RPL13A: variants seen among roughly 807,000 people sequenced by gnomAD.
The protein encoded by RPL13A is ribosomal protein L13a, also known as large ribosomal subunit protein uL13.
A neutral mutation model predicts 30.8 loss-of-function variants in RPL13A; 4 were observed. The ratio of observed to expected loss-of-function variants is 0.13; its 90% CI spans 0.06 to 0.30. The LOEUF (loss-of-function observed/expected upper bound fraction) is 0.30. RPL13A is among the 10% of genes least tolerant of loss of function. The pLI is 1.00. For synonymous variants in RPL13A, 108 were observed against 104.2 expected (o/e 1.04, Z -0.22); for missense variants, 196 against 272.6 (o/e 0.72, Z 1.98).
At chr19:49,489,244 C>T (rs903774233) in intron 1 of RPL13A, among the ~76,000 whole-genome samples, 5 of 152,060 alleles carry the variant, frequency 3.3e-5, no homozygotes, top group African/African-American at 1.2e-4. Flanking sequence ...GCCTGTAATC[C>T]GAGCATTTTG....
At chr19:49,490,144 G>C (rs534864956) in intron 2 of RPL13A, 88 bp from the exon 3 acceptor site, 1 of 1,295,522 alleles carries the variant, frequency 7.7e-7, no homozygotes, top group East Asian at 2.3e-5. Context: ...GCTCTGGCAA[G>C]TACTGCGCTG....
rs1041472464 is a variant in RPL13A at position 49,487,664 on chromosome 19, C to T, written c.15+20C>T. 6 of 1,525,770 alleles carry T rather than the reference C, an allele frequency of 3.9e-6. No individual in the cohort carries two copies. Among genetic ancestry groups the T allele is most frequent in the Non-Finnish European group, 5.3e-6 (6 of 1,139,346 alleles). 94.5% of individuals were successfully genotyped at this position (1,525,770 alleles called of 1,614,324 possible). ...GTGCAGGTATGGGCTCCGCGCGGGC[C>T]GGGGCGGCAAGGGGCCGGGTGGGAT... On this transcript the variant is annotated intron_variant, in intron 1 of 7. Transcript: ENST00000391857.
In RPL13A at chr19:49,490,141, C is replaced by A; in HGVS notation, c.89-91C>A. ...CATTTAAACAGGAACTTAGCTCTGG[C>A]AAGTACTGCGCTGTGTCTGGAGGGT... On this transcript the variant is annotated intron_variant, in intron 2 of 7. Coordinates refer to ENST00000391857, the MANE Select transcript of RPL13A (RefSeq NM_012423.4). The A allele has an allele frequency of 4.7e-6, 6 of 1,286,658 alleles. No homozygotes were observed. In the South Asian group the frequency reaches 4.8e-5, roughly 10 times the overall value. The allele number at this position is 1,286,658 out of a possible 1,614,324, so 79.7% of individuals were successfully genotyped here. A position where few individuals can be genotyped will look rare whatever the true frequency, so the allele number is the denominator to read the frequency against.
intron 1 of RPL13A, among the ~76,000 whole-genome samples, chr19:49,489,508 G>A (rs1255656743): frequency 6.6e-6 from 1 of 152,174 alleles, no homozygotes; most frequent in Non-Finnish European, 1.5e-5. Flanking sequence ...TTAGTTACAA[G>A]GTCTTGTAAC....
intron 4 of RPL13A, 81 bp from the exon 5 acceptor site, chr19:49,490,698 A>G: frequency 6.3e-7 from 1 of 1,583,122 alleles, no homozygotes; most frequent in Non-Finnish European, 8.7e-7. Context: ...ATCTGAGGCC[A>G]CCCCATGGGC....
At chr19:49,490,727 T>TGGGC (rs1284768016) in intron 4 of RPL13A, 52 bp from the exon 5 acceptor site, 2 of 1,601,228 alleles carry the variant, frequency 1.2e-6, no homozygotes, top group Non-Finnish European at 1.7e-6. Context: ...GTGGGGTGGG[T>TGGGC]GGGCATCCTT....
At chr19:49,488,170 G>A (rs545873655) in intron 1 of RPL13A, among the ~76,000 whole-genome samples, 1 of 152,264 alleles carries the variant, frequency 6.6e-6, no homozygotes, top group East Asian at 1.9e-4. Context: ...GCGGGGGGTC[G>A]AGAGCTGTTG....
rs1302284227 is a variant in RPL13A, at chr19:49,491,978, G to C, written c.*163G>C. 1 of 606,476 alleles carries C rather than the reference G, an allele frequency of 1.6e-6. No homozygotes were observed. The highest frequency in any genetic ancestry group is 1.8e-5 in the African/African-American group (1 of 54,168). The allele number at this position is 606,476 out of a possible 1,614,324, so 37.6% of individuals were successfully genotyped here. On this transcript the variant is annotated 3_prime_UTR_variant, in exon 8 of 8. Coordinates refer to ENST00000391857, the MANE Select transcript of RPL13A (RefSeq NM_012423.4). ...AGGGTCTTAGTCACTGCCTCCCGAA[G>C]TTGCTTGAAAGCACTCGGAGAATTG...
At chr19:49,490,933 C>G (rs912050021) in intron 5 of RPL13A, 69 bp downstream of exon 5, 6 of 1,603,172 alleles carry the variant, frequency 3.7e-6, no homozygotes, top group Non-Finnish European at 5.1e-6. Flanking sequence ...CAACTACCTA[C>G]ATTGTTTGAT....
In RPL13A at chr19:49,492,255, G is replaced by A. The variant is rs11539144; in HGVS notation, c.*440G>A. On this transcript the variant is annotated 3_prime_UTR_variant, in exon 8 of 8. Coordinates refer to ENST00000391857, the MANE Select transcript of RPL13A (RefSeq NM_012423.4). ...GCACAACCAAGGGGTTACAGGCATC[G>A]CCCATGCTCCTCACCTGTATTTTGT... The A allele has an allele frequency of 5.1e-3, 826 of 162,092 alleles. 5 individuals are homozygous for A. Among genetic ancestry groups the A allele is most frequent in the African/African-American group, 0.017 (713 of 41,700 alleles). The allele number at this position is 162,092 out of a possible 1,614,324, so 10.0% of individuals were successfully genotyped here. A position where few individuals can be genotyped will look rare whatever the true frequency, so the allele number is the denominator to read the frequency against.
rs374280256 is a variant in RPL13A, at chr19:49,489,056, G to C, written c.16-794G>C. ...AGGTTCGGTGCCTGAGCAGTTTACC[G>C]GGGAAAGCAGAGTGCTCTATAGCAG... On this transcript the variant is annotated intron_variant, in intron 1 of 7. Coordinates refer to ENST00000391857, the MANE Select transcript of RPL13A (RefSeq NM_012423.4). Among the ~76,000 whole-genome samples, 386 of 152,312 alleles carry C rather than the reference G, an allele frequency of 2.5e-3. 1 individual carries two copies. Among genetic ancestry groups the C allele is most frequent in the African/African-American group, 8.9e-3 (371 of 41,570 alleles).
At chr19:49,488,595 C>T (rs1421398665) in intron 1 of RPL13A, among the ~76,000 whole-genome samples, 1 of 152,232 alleles carries the variant, frequency 6.6e-6, no homozygotes, top group African/African-American at 2.4e-5. Context: ...GCCAAGGTCA[C>T]GACTTCAGGA....
At chr19:49,490,141 C>T in intron 2 of RPL13A, 91 bp from the exon 3 acceptor site, 7 of 1,286,664 alleles carry the variant, frequency 5.4e-6, no homozygotes, top group South Asian at 1.2e-5. Context: ...TTAGCTCTGG[C>T]AAGTACTGCG....
intron 1 of RPL13A, 28 bp downstream of exon 1, chr19:49,487,672 C>T (rs1200135988): frequency 1.3e-6 from 2 of 1,517,096 alleles, no homozygotes; most frequent in Non-Finnish European, 1.8e-6. Flanking sequence ...GCCGGGGCGG[C>T]AAGGGGCCGG....
intron 6 of RPL13A, 98 bp downstream of exon 6, chr19:49,491,197 C>T (rs754961044): frequency 1.3e-5 from 18 of 1,407,024 alleles, no homozygotes; most frequent in Non-Finnish European, 1.7e-5. Flanking sequence ...CCTTATCTCA[C>T]GATGGTCTGC....
chr19:49,487,755 A>C, intron 1 of RPL13A, 111 bp downstream of exon 1: 1 of 1,155,670 alleles, frequency 8.7e-7, no homozygotes, highest in Non-Finnish European at 1.2e-6. Flanking sequence ...ATCCATAATG[A>C]AGCAAAATGG....
intron 2 of RPL13A, 37 bp from the exon 3 acceptor site, chr19:49,490,195 G>A (rs373865755): frequency 5.2e-5 from 84 of 1,604,446 alleles, no homozygotes; most frequent in Admixed American, 2.2e-4. Flanking sequence ...GGGACCCTCA[G>A]GCGGCTCGGC....
chr19:49,489,582 A>G (rs1359705370), intron 1 of RPL13A, among the ~76,000 whole-genome samples: 1 of 152,220 alleles, frequency 6.6e-6, no homozygotes, highest in African/African-American at 2.4e-5. Flanking sequence ...GCAAAATACA[A>G]TCTGAGCATA....
chr19:49,489,770 CAAAA>C lies in RPL13A; in HGVS notation c.16-79_16-76del, dbSNP rs1568686804. The C allele has an allele frequency of 3.4e-6, 4 of 1,191,082 alleles. No individual in the cohort carries two copies. The African/African-American group carries it at 6.0e-5, about 18-fold the overall frequency. The allele number at this position is 1,191,082 out of a possible 1,614,324, so 73.8% of individuals were successfully genotyped here. ...AAGGCACGCTGTTGGCACGGTAGGACAAAAGAAGGGAATGCTTGCTTGTGAGGAC... is the reference window on the plus strand; with the variant it reads ...AAGGCACGCTGTTGGCACGGTAGGACGAAGGGAATGCTTGCTTGTGAGGAC... On this transcript the variant is annotated intron_variant, in intron 1 of 7. Transcript: ENST00000391857.
Sources: allele counts gnomAD v4.1 joint callset (sites outside exome capture counted in the v4.1 genomes callset), GRCh38; gene constraint gnomAD v4.1.1; transcripts MANE v1.5; gene names NCBI Gene and HGNC (gene_info 2026-07-23, HGNC 2026-07-21).